The following ANKRD45 variants were observed in gnomAD, a reference collection of about 807,000 sequenced individuals.
ANKRD45 encodes ankyrin repeat domain-containing protein 45.
Under a neutral mutation model 28.1 loss-of-function variants are expected in ANKRD45, and 21 were observed. The ratio of observed to expected loss-of-function variants is 0.75; its 90% CI spans 0.53 to 1.08. The LOEUF is 1.08. Among genes scored for constraint, ANKRD45 ranks in the 50% least tolerant of loss-of-function variants. The probability of loss-of-function intolerance (pLI) is 0.00; values close to 1 mark genes in which losing one functional copy is unlikely to be tolerated. For missense variants in ANKRD45, 261 were observed against 308.7 expected (o/e 0.85, Z 1.16); for synonymous variants, 86 against 103.9 (o/e 0.83, Z 1.05).
chr1:173,642,356 C>G (rs1668739919), intron 3 of ANKRD45, among the ~76,000 whole-genome samples: 1 of 152,150 alleles, frequency 6.6e-6, no homozygotes, highest in Non-Finnish European at 1.5e-5. Context: ...TCACCCTATT[C>G]AGAAAGATTA....
chr1:173,637,795 T>A (rs1668519046), intron 3 of ANKRD45, among the ~76,000 whole-genome samples: 1 of 152,134 alleles, frequency 6.6e-6, no homozygotes, highest in African/African-American at 2.4e-5. Flanking sequence ...CAGTGTTGAT[T>A]TTTGCAACAC....
intron 5 of ANKRD45, among the ~76,000 whole-genome samples, chr1:173,618,637 G>A (rs1238510164): frequency 1.3e-5 from 2 of 152,170 alleles, no homozygotes; most frequent in Non-Finnish European, 1.5e-5. Flanking sequence ...ATGGGACTAC[G>A]TAAAAAGACC....
intron 2 of ANKRD45, among the ~76,000 whole-genome samples, chr1:173,654,422 G>A (rs912821107): frequency 1.3e-5 from 2 of 152,068 alleles, no homozygotes; most frequent in African/African-American, 4.8e-5. Context: ...TTGAATATTG[G>A]CCCCCACTCT....
chr1:173,702,717 C>CTTT, the ANKRD45 span, among the ~76,000 whole-genome samples: 15 of 119,068 alleles, frequency 1.3e-4, no homozygotes, highest in South Asian at 2.8e-4. Flanking sequence ...TCTGTGTCCT[C>CTTT]TTTTTTTTTT....
chr1:173,631,988 A>C (rs1456429430), intron 3 of ANKRD45, among the ~76,000 whole-genome samples: 1 of 152,030 alleles, frequency 6.6e-6, no homozygotes, highest in African/African-American at 2.4e-5. Flanking sequence ...TAAATAAAAA[A>C]GATCAGAACA....
In ANKRD45 at chr1:173,661,291, G is replaced by A. The variant is rs762884423; in HGVS notation, c.-15-1858C>T. ...ATTAACATTTAAGCTGAGCCATCAA[G>A]AATGGGCAAGACTGTCATTCAGAAG... On this transcript the variant is annotated intron_variant, in intron 1 of 5. Coordinates refer to ENST00000333279, the MANE Select transcript of ANKRD45 (RefSeq NM_198493.3). Among the ~76,000 whole-genome samples, 5 of 152,182 alleles carry A rather than the reference G, an allele frequency of 3.3e-5. No individual in the cohort carries two copies. The East Asian group carries it at 9.6e-4, about 29-fold the overall frequency.
chr1:173,655,939 C>G (rs1669486556), intron 2 of ANKRD45, among the ~76,000 whole-genome samples: 1 of 152,190 alleles, frequency 6.6e-6, no homozygotes, highest in Non-Finnish European at 1.5e-5. Context: ...CCTGGTGTGC[C>G]ATTTGCTAAG....
chr1:173,643,896 G>A (rs567905510), intron 3 of ANKRD45, among the ~76,000 whole-genome samples: 48 of 152,254 alleles, frequency 3.2e-4, no homozygotes, highest in African/African-American at 3.6e-4. Flanking sequence ...TATGGATTAC[G>A]AAAGGTTTAT....
chr1:173,625,955 C>G (rs1311380768), intron 4 of ANKRD45, among the ~76,000 whole-genome samples: 1 of 152,034 alleles, frequency 6.6e-6, no homozygotes, highest in Non-Finnish European at 1.5e-5. Flanking sequence ...TTCAAATAAT[C>G]AAATTTTTAA....
At position 173,627,142 on chromosome 1, in the gene ANKRD45, T is replaced by C. The variant is rs879442331; in HGVS notation, c.514A>G (p.Lys172Glu). ...LDWADARLTL[K>E]KYIAKVSLAV... ...AAAGAGACTTTTGCAATATATTTTT[T>C]CAGAGTCAGCCTTGCATCTGAAAGA... Residue 172 changes from lysine to glutamate, a missense_variant, in exon 4 of 6, where the codon AAA (lysine) becomes GAA (glutamate). Lys to Glu is a moderately conservative substitution (Grantham distance 56). Coordinates refer to ENST00000333279, the MANE Select transcript of ANKRD45 (RefSeq NM_198493.3). 6 of 1,612,200 alleles carry C rather than the reference T, an allele frequency of 3.7e-6. No homozygotes were observed. Among genetic ancestry groups the C allele is most frequent in the Non-Finnish European group, 5.1e-6 (6 of 1,179,244 alleles).
chr1:173,697,733 G>A, the ANKRD45 span, among the ~76,000 whole-genome samples: 5 of 152,154 alleles, frequency 3.3e-5, no homozygotes, highest in African/African-American at 9.7e-5. Context: ...AAAGACCATC[G>A]ATGCTAGGAA....
chr1:173,634,982 G>T (rs1668361585), intron 3 of ANKRD45, among the ~76,000 whole-genome samples: 1 of 152,034 alleles, frequency 6.6e-6, no homozygotes, highest in Non-Finnish European at 1.5e-5. Flanking sequence ...GCTGGGTTAT[G>T]TGAAGTGGTA....
At chr1:173,642,173 A>G (rs1382973415) in intron 3 of ANKRD45, among the ~76,000 whole-genome samples, 1 of 152,232 alleles carries the variant, frequency 6.6e-6, no homozygotes, top group Non-Finnish European at 1.5e-5. Context: ...TTTTTCTAAA[A>G]GACAGAACAT....
the ANKRD45 span, among the ~76,000 whole-genome samples, chr1:173,709,200 G>A: frequency 6.6e-6 from 1 of 152,110 alleles, no homozygotes; most frequent in South Asian, 2.1e-4. Context: ...TTATCTAGAG[G>A]TTCAACTGGG....
chr1:173,615,291 A>G (rs1170982936), intron 5 of ANKRD45, among the ~76,000 whole-genome samples: 1 of 151,332 alleles, frequency 6.6e-6, no homozygotes, highest in African/African-American at 2.4e-5. Context: ...AGGCTGAGGC[A>G]GGAGAATCGC....
At chr1:173,710,201 C>T in the ANKRD45 span, among the ~76,000 whole-genome samples, 1 of 152,132 alleles carries the variant, frequency 6.6e-6, no homozygotes, top group Non-Finnish European at 1.5e-5. Context: ...CATTGTGGAA[C>T]ACTCCTGTGG....
At chr1:173,708,043 T>C in the ANKRD45 span, among the ~76,000 whole-genome samples, 1 of 152,206 alleles carries the variant, frequency 6.6e-6, no homozygotes, top group East Asian at 1.9e-4. Flanking sequence ...ATTATAGAGG[T>C]TTTAGAACAT....
At chr1:173,654,071 A>T (rs1391488535) in intron 2 of ANKRD45, among the ~76,000 whole-genome samples, 6 of 151,924 alleles carry the variant, frequency 3.9e-5, no homozygotes, top group Non-Finnish European at 5.9e-5. Context: ...TTTGCCAGTC[A>T]GTGTCTTTTA....
chr1:173,703,429 C>T, the ANKRD45 span, among the ~76,000 whole-genome samples: 1 of 152,082 alleles, frequency 6.6e-6, no homozygotes, highest in Non-Finnish European at 1.5e-5. Context: ...TGGTCTCGAA[C>T]TCCTGACCTC....
Sources: allele counts gnomAD v4.1 joint callset (sites outside exome capture counted in the v4.1 genomes callset), GRCh38; gene constraint gnomAD v4.1.1; transcripts MANE v1.5; gene names NCBI Gene and HGNC (gene_info 2026-07-23, HGNC 2026-07-21).